Variants in B3GALNT1 observed in about 807,000 individuals in gnomAD.
The protein encoded by B3GALNT1 is beta-1,3-N-acetylgalactosaminyltransferase 1 (Globoside blood group).
In B3GALNT1, 17 loss-of-function variants were observed where a neutral mutation model predicts 27.3. The ratio of observed to expected loss-of-function variants is 0.62; its 90% confidence interval spans 0.43 to 0.94. B3GALNT1 has a LOEUF of 0.94. Ranked by LOEUF, B3GALNT1 falls within the 40% of genes least tolerant of loss-of-function variation. B3GALNT1 has a pLI of 0.00. For missense variants in B3GALNT1, 347 were observed against 390.0 expected, an observed-to-expected ratio of 0.89 and a Z score of 0.93; for synonymous variants, 141 against 144.0, an observed-to-expected ratio of 0.98 and a Z score of 0.15.
rs543952440 is a variant in B3GALNT1, at chr3:161,103,979, G to A, written c.-221+340C>T. The A allele has an allele frequency of 7.1e-4, 145 of 203,012 alleles. 3 individuals are homozygous for A. The South Asian group carries it at 9.4e-3, about 13-fold the overall frequency. 12.6% of individuals were successfully genotyped at this position (203,012 alleles called of 1,614,324 possible). A position where few individuals can be genotyped will look rare whatever the true frequency, so the allele number is the denominator to read the frequency against. On this transcript the variant is annotated intron_variant, in intron 2 of 4. Coordinates refer to ENST00000320474, the MANE Select transcript of B3GALNT1 (RefSeq NM_003781.4). ...CGACCTGAGGTGATCTGCCCGCCTC[G>A]GCCTCCCAAAGTGCTGGAATTACTG... is the stretch of plus-strand genomic sequence containing the variant.
intron 4 of B3GALNT1, among the ~76,000 whole-genome samples, chr3:161,095,441 G>A (rs1209544264): frequency 1.3e-5 from 2 of 152,214 alleles, no homozygotes; most frequent in Non-Finnish European, 1.5e-5. Flanking sequence ...GGGCACAGGT[G>A]CATACTTCAC....
chr3:161,100,764 A>T (rs1462645940), intron 4 of B3GALNT1, among the ~76,000 whole-genome samples: 2 of 152,120 alleles, frequency 1.3e-5, no homozygotes, highest in Non-Finnish European at 2.9e-5. Context: ...CCCTATCTGC[A>T]TATTCCAATA....
Position 161,104,362 on chromosome 3 carries a change from T to C in B3GALNT1, c.-264A>G, listed in dbSNP as rs1407949755. 3 of 1,289,472 alleles carry C rather than the reference T, an allele frequency of 2.3e-6. No individual in the cohort carries two copies. The highest frequency in any genetic ancestry group is 3.0e-6 in the Non-Finnish European group (3 of 988,828). 79.9% of individuals were successfully genotyped at this position (1,289,472 alleles called of 1,614,324 possible). On this transcript the variant is annotated 5_prime_UTR_variant, in exon 2 of 5. Transcript: ENST00000320474. ...AGACATGGTTTGGCAATTTCTTCCTTGATAGCTTTTCCCACAACGCAGCCA... is the reference window on the plus strand; with the variant it reads ...AGACATGGTTTGGCAATTTCTTCCTCGATAGCTTTTCCCACAACGCAGCCA...
At chr3:161,096,069 G>C (rs1278102615) in intron 4 of B3GALNT1, among the ~76,000 whole-genome samples, 3 of 152,096 alleles carry the variant, frequency 2.0e-5, no homozygotes, top group African/African-American at 7.2e-5. Flanking sequence ...TTGGAGAGAG[G>C]GAAAACCTGA....
intron 4 of B3GALNT1, among the ~76,000 whole-genome samples, chr3:161,089,597 T>C (rs764870917): frequency 9.2e-5 from 14 of 152,130 alleles, no homozygotes; most frequent in South Asian, 2.1e-4. Context: ...ATCTTCCAAA[T>C]TGATTGAGAA....
intron 3 of B3GALNT1, 72 bp downstream of exon 3, chr3:161,103,355 T>C: frequency 1.6e-6 from 1 of 638,518 alleles, no homozygotes; most frequent in Non-Finnish European, 2.4e-6. Context: ...ACTTAAAACC[T>C]TGTAAAGGGC....
At chr3:161,097,104 T>G (rs1728597022) in intron 4 of B3GALNT1, among the ~76,000 whole-genome samples, 1 of 152,220 alleles carries the variant, frequency 6.6e-6, no homozygotes, top group Non-Finnish European at 1.5e-5. Flanking sequence ...AGAAACATTT[T>G]TAACAGGTGG....
chr3:161,101,250 A>G lies in B3GALNT1; in HGVS notation c.-129-17T>C. 1 of 1,286,206 alleles carries G rather than the reference A, an allele frequency of 7.8e-7. No individual in the cohort carries two copies. Among genetic ancestry groups the G allele is most frequent in the Non-Finnish European group, 1.0e-6 (1 of 985,556 alleles). 79.7% of individuals were successfully genotyped at this position (1,286,206 alleles called of 1,614,324 possible). On this transcript the variant is annotated splice_polypyrimidine_tract_variant and intron_variant, in intron 3 of 4. Coordinates refer to ENST00000320474, the MANE Select transcript of B3GALNT1 (RefSeq NM_003781.4). ...CTAAGAAAACTGGAGCAGAGCAAAG[A>G]TCACAAAGTCAGGCAGAACAGCAGC...
chr3:161,104,474 A>G, intron 1 of B3GALNT1, 68 bp from the exon 2 acceptor site: 1 of 684,426 alleles, frequency 1.5e-6, no homozygotes, highest in Non-Finnish European at 2.2e-6. Flanking sequence ...TCCAACATTA[A>G]GAAGGCGAAC....
chr3:161,101,396 G>A (rs1229956678), intron 3 of B3GALNT1, among the ~76,000 whole-genome samples, 163 bp from the exon 4 acceptor site: 2 of 152,270 alleles, frequency 1.3e-5, no homozygotes, highest in African/African-American at 4.8e-5. Context: ...ACCCTAAATT[G>A]AGAATATTAC....
intron 4 of B3GALNT1, among the ~76,000 whole-genome samples, chr3:161,094,474 C>T (rs1187177399): frequency 1.3e-5 from 2 of 152,116 alleles, no homozygotes; most frequent in Non-Finnish European, 2.9e-5. Context: ...AACAGAGATA[C>T]TACAATGGCA....
intron 4 of B3GALNT1, among the ~76,000 whole-genome samples, chr3:161,092,757 A>AT (rs1725875868): frequency 1.5e-4 from 17 of 111,420 alleles, no homozygotes; most frequent in African/African-American, 6.0e-4. Flanking sequence ...CAAAAGTTTC[A>AT]TTTTTCTTTT....
intron 4 of B3GALNT1, among the ~76,000 whole-genome samples, chr3:161,097,028 A>T (rs1278626563): frequency 6.6e-6 from 1 of 152,238 alleles, no homozygotes; most frequent in African/African-American, 2.4e-5. Context: ...CTCAAAGTGC[A>T]TGGGCACCAC....
At chr3:161,101,096 A>G in intron 4 of B3GALNT1, 43 bp downstream of exon 4, 1 of 1,266,896 alleles carries the variant, frequency 7.9e-7, no homozygotes, top group Non-Finnish European at 1.0e-6. Context: ...GCCTCCTGAG[A>G]TTCCTGGGCA....
At chr3:161,104,469 C>A (rs1367715772) in intron 1 of B3GALNT1, 63 bp from the exon 2 acceptor site, 1 of 730,264 alleles carries the variant, frequency 1.4e-6, no homozygotes, top group Non-Finnish European at 2.0e-6. Context: ...CTAAATCCAA[C>A]ATTAAGAAGG....
chr3:161,089,965 A>G, intron 4 of B3GALNT1: 1 of 223,032 alleles, frequency 4.5e-6, no homozygotes, highest in South Asian at 4.5e-5. Flanking sequence ...CCTACTTGGG[A>G]GGCTGAGGCA....
chr3:161,085,695 C>T lies in B3GALNT1; in HGVS notation c.*64G>A. 6.3e-7 allele frequency: 1 copy of T among 1,577,252 alleles called. No individual in the cohort carries two copies. The highest frequency in any genetic ancestry group is 8.7e-7 in the Non-Finnish European group (1 of 1,147,166). On this transcript the variant is annotated 3_prime_UTR_variant, in exon 5 of 5. Coordinates refer to ENST00000320474, the MANE Select transcript of B3GALNT1 (RefSeq NM_003781.4). ...ACCTCCCCATGAATTTTCCACAGTA[C>T]CTACTTTATTTAACACTTTCCACAA...
At position 161,105,241 on chromosome 3, in the gene B3GALNT1, T is replaced by C. The variant is rs1211538341; in HGVS notation, c.-315A>G. On this transcript the variant is annotated 5_prime_UTR_variant, in exon 1 of 5. Coordinates refer to ENST00000320474, the MANE Select transcript of B3GALNT1 (RefSeq NM_003781.4). The stretch of plus-strand genomic sequence containing the variant: ...GGCCGCCCTTCTCACTCACCTCCTG[T>C]GCTCGGCGCGCACCCAGCTCGGAAG... 1 of 152,338 alleles carries C rather than the reference T, an allele frequency of 6.6e-6. No homozygotes were observed. The highest frequency in any genetic ancestry group is 6.5e-5 in the Admixed American group (1 of 15,284). 9.4% of individuals were successfully genotyped at this position (152,338 alleles called of 1,614,324 possible).
intron 4 of B3GALNT1, among the ~76,000 whole-genome samples, chr3:161,099,149 T>C (rs1326401392): frequency 6.6e-6 from 1 of 152,240 alleles, no homozygotes; most frequent in Non-Finnish European, 1.5e-5. Context: ...GCCAGAGACT[T>C]GTCCTCCTGC....
Sources: allele counts gnomAD v4.1 joint callset (sites outside exome capture counted in the v4.1 genomes callset), GRCh38; gene constraint gnomAD v4.1.1; transcripts MANE v1.5; gene names NCBI Gene and HGNC (gene_info 2026-07-23, HGNC 2026-07-21).